Variants in DEF8 observed in about 807,000 individuals in gnomAD.
The protein encoded by DEF8 is differentially expressed in FDCP 8 homolog, also known as DEF-8.
In DEF8, 38 loss-of-function variants were observed where a neutral mutation model predicts 59.1. The observed-to-expected ratio is 0.64, with a 90% CI of 0.50 to 0.84. The LOEUF is 0.84. DEF8 is among the 40% of genes least tolerant of loss of function. DEF8 has a pLI of 0.00. For synonymous variants in DEF8, 265 were observed against 250.1 expected (o/e 1.06, Z -0.56); for missense variants, 557 against 615.2 (o/e 0.91, Z 1.00).
chr16:89,957,771 C>A (rs967605281), intron 5 of DEF8, 111 bp downstream of exon 5: 7 of 1,326,260 alleles, frequency 5.3e-6, no homozygotes, highest in Non-Finnish European at 7.1e-6. Flanking sequence ...GTCTCTCTCT[C>A]GGCCTCAGGG....
Position 89,955,160 on chromosome 16 carries a change from T to G in DEF8, c.125-9T>G, listed in dbSNP as rs1031758065. On this transcript the variant is annotated splice_polypyrimidine_tract_variant and intron_variant, in intron 3 of 12. Coordinates refer to ENST00000563594, the MANE Select transcript of DEF8 (RefSeq NM_001242818.2). ...CTGACGCTCCACACCTGTCCCCGTC[T>G]TCCTCCAGAGGCCCTGCCTGAGCTG... The G allele has an allele frequency of 6.2e-7, 1 of 1,610,206 alleles. No homozygotes were observed. Among genetic ancestry groups the G allele is most frequent in the African/African-American group, 1.3e-5 (1 of 74,814 alleles).
chr16:89,961,019 A>T lies in DEF8; in HGVS notation c.603A>T (p.Glu201Asp), dbSNP rs766779550. The change falls in exon 7 of 13, where the codon GAA becomes GAT. Residue 201 changes from glutamate to aspartate, a missense_variant. By Grantham distance (45) the Glu-to-Asp change is conservative. Coordinates refer to ENST00000563594, the MANE Select transcript of DEF8 (RefSeq NM_001242818.2). ...SSKVSHQAEYELNICPETGLD... is the reference protein window; with the variant it reads ...SSKVSHQAEYDLNICPETGLD... ...AAGTCAGCCACCAAGCTGAATACGA[A>T]CTGAACATCTGCCCTGAGACAGGGC... is the stretch of plus-strand genomic sequence containing the variant. 4 of 1,614,108 alleles carry T rather than the reference A, an allele frequency of 2.5e-6. No individual in the cohort carries two copies.
intron 4 of DEF8, 23 bp from the exon 5 acceptor site, chr16:89,957,488 G>C: frequency 6.4e-7 from 1 of 1,563,176 alleles, no homozygotes; most frequent in Non-Finnish European, 8.7e-7. Flanking sequence ...GCCTTTGACT[G>C]CCCCCGCCCC....
At chr16:89,957,466 C>T (rs1033636042) in intron 4 of DEF8, 45 bp from the exon 5 acceptor site, 4 of 1,542,452 alleles carry the variant, frequency 2.6e-6, no homozygotes, top group Non-Finnish European at 3.5e-6. Flanking sequence ...ACAGGGAGCT[C>T]CTGCAGGATG....
intron 2 of DEF8, among the ~76,000 whole-genome samples, chr16:89,951,853 C>T (rs1394711933): frequency 3.9e-5 from 6 of 152,054 alleles, no homozygotes. Flanking sequence ...TATGTATATA[C>T]ACACACATAC....
At chr16:89,960,790 G>C in intron 6 of DEF8, 141 bp from the exon 7 acceptor site, 1 of 851,676 alleles carries the variant, frequency 1.2e-6, no homozygotes, top group Non-Finnish European at 1.9e-6. Flanking sequence ...AGGTTCTAAG[G>C]CCTCCCTTGG....
chr16:89,954,942 C>T lies in DEF8; in HGVS notation c.125-227C>T, dbSNP rs1011061878. Among the ~76,000 whole-genome samples the T allele has an allele frequency of 1.3e-5, 2 of 152,126 alleles. No homozygotes were observed. The highest frequency in any genetic ancestry group is 2.4e-5 in the African/African-American group (1 of 41,412). ...CTTTTGGCACCGAGTGTCATTCCAC[C>T]TCCTCATTTTGAGTGGCTCTTTCCT... On this transcript the variant is annotated intron_variant, in intron 3 of 12. Coordinates refer to ENST00000563594, the MANE Select transcript of DEF8 (RefSeq NM_001242818.2). This position sits in a 1 kb window ranked among gnomAD's most constrained non-coding sequence, Gnocchi z 4.3.
Position 89,957,654 on chromosome 16 carries a change from G to C in DEF8, c.366G>C (p.Glu122Asp), listed in dbSNP as rs149889201. 6.4e-7 allele frequency: 1 copy of C among 1,558,592 alleles called. No individual in the cohort carries two copies. Among genetic ancestry groups the C allele is most frequent in the East Asian group, 2.4e-5 (1 of 41,854 alleles). ...TCCACCTCCGGCTGAAGCTCCAGGA[G>C]CTGAAGGTGGGTGTGGGGCCGCCCC... ...RLIHLRLKLQ[E>D]LKDPNEDEPN... The change falls in exon 5 of 13, where the codon GAG becomes GAC. Residue 122 changes from glutamate (E) to aspartate (D), a missense_variant. Physicochemically the swap from Glu to Asp is conservative, Grantham distance 45. Coordinates refer to ENST00000563594, the MANE Select transcript of DEF8 (RefSeq NM_001242818.2).
intron 10 of DEF8, 177 bp from the exon 11 acceptor site, chr16:89,963,993 G>T (rs748962817): frequency 1.2e-6 from 1 of 822,648 alleles, no homozygotes; most frequent in East Asian, 2.6e-5. Flanking sequence ...AACGTGGCCC[G>T]GGTCCATCTT....
chr16:89,957,324 C>A, intron 4 of DEF8, 187 bp from the exon 5 acceptor site: 1 of 577,246 alleles, frequency 1.7e-6, no homozygotes, highest in Non-Finnish European at 3.0e-6. Flanking sequence ...CACGCAGCAC[C>A]GGGTGGACCT....
At chr16:89,951,291 C>G (rs755138833) in intron 2 of DEF8, among the ~76,000 whole-genome samples, 1 of 151,860 alleles carries the variant, frequency 6.6e-6, no homozygotes, top group Non-Finnish European at 1.5e-5. Flanking sequence ...GAGTCTCACT[C>G]TGTCACCCAA....
chr16:89,957,429 T>G (rs1281123607), intron 4 of DEF8, 82 bp from the exon 5 acceptor site: 2 of 1,452,858 alleles, frequency 1.4e-6, no homozygotes, highest in East Asian at 2.5e-5. Flanking sequence ...GGGTCTGCTC[T>G]GGGCCTGTCT....
At position 89,957,598 on chromosome 16, in the gene DEF8, G is replaced by C. The variant is rs1382987005; in HGVS notation, c.310G>C (p.Glu104Gln). The C allele has an allele frequency of 6.3e-7, 1 of 1,585,004 alleles. No homozygotes were observed. Among genetic ancestry groups the C allele is most frequent in the African/African-American group, 1.3e-5 (1 of 74,398 alleles). ...GATTCTGGAGCTGCCCGAGCAGTCG[G>C]AGAAGCAGAAGGATGCCGTGGTGCG... ...QVILELPEQSEKQKDAVVRLI... is the reference protein window; with the variant it reads ...QVILELPEQSQKQKDAVVRLI... The change falls in exon 5 of 13, where the codon GAG becomes CAG. Residue 104 changes from glutamate to glutamine, a missense_variant. By Grantham distance (29) the Glu-to-Gln change is conservative. Coordinates refer to ENST00000563594, the MANE Select transcript of DEF8 (RefSeq NM_001242818.2).
chr16:89,954,810 C>T lies in DEF8; in HGVS notation c.125-359C>T, dbSNP rs544787263. 6.6e-4 allele frequency among the ~76,000 whole-genome samples: 100 copies of T among 152,258 alleles called. 4 individuals are homozygous for T. The highest frequency in any genetic ancestry group is 1.7e-3 in the East Asian group (9 of 5,182). ...ACGGCCTGGAGTCGACACTGGGGTT[C>T]GTGGATTTTGCTGTGTAGCCATGCA... On this transcript the variant is annotated intron_variant, in intron 3 of 12. Transcript: ENST00000563594. This position sits in a 1 kb window ranked among gnomAD's most constrained non-coding sequence, Gnocchi z 4.3.
chr16:89,949,273 C>G (rs1465886373), intron 1 of DEF8, 144 bp from the exon 2 acceptor site: 1 of 691,668 alleles, frequency 1.4e-6, no homozygotes, highest in Non-Finnish European at 2.3e-6. Context: ...TGCCCCCGCC[C>G]TGGGCTGCTC....
At chr16:89,949,960 C>T in intron 2 of DEF8, 3 of 931,476 alleles carry the variant, frequency 3.2e-6, no homozygotes, top group Non-Finnish European at 4.1e-6. Context: ...GAAGCTAAGG[C>T]TGCGAGGCCA....
In DEF8 at chr16:89,954,336, G is replaced by T; in HGVS notation, c.84G>T (p.Glu28Asp). The change falls in exon 3 of 13, where the codon GAG becomes GAT. Residue 28 changes from glutamate (E) to aspartate (D), a missense_variant. Coordinates refer to ENST00000563594, the MANE Select transcript of DEF8 (RefSeq NM_001242818.2). This position sits in a 1 kb window ranked among gnomAD's most constrained non-coding sequence, Gnocchi z 4.3. ...FNKQSGPRQH[E>D]QGPGEEVPDV... ...AGCAGTCTGGGCCGAGACAGCATGA[G>T]CAGGGCCCTGGGGAGGAGGTCCCGG... The T allele has an allele frequency of 6.2e-7, 1 of 1,613,884 alleles. No homozygotes were observed.
chr16:89,951,665 A>G (rs531430447), intron 2 of DEF8, among the ~76,000 whole-genome samples: 9 of 152,328 alleles, frequency 5.9e-5, no homozygotes, highest in African/African-American at 1.4e-4. Context: ...GCTCAGGTGC[A>G]GTCCCCTGCA....
chr16:89,961,247 G>A, intron 7 of DEF8, 152 bp downstream of exon 7: 1 of 1,111,530 alleles, frequency 9.0e-7, no homozygotes, highest in African/African-American at 1.6e-5. Context: ...AGGGTCTGTT[G>A]CTGCCATTGT....
Sources: allele counts gnomAD v4.1 joint callset (sites outside exome capture counted in the v4.1 genomes callset), GRCh38; gene constraint gnomAD v4.1.1; non-coding constraint Gnocchi (gnomAD v3.1); transcripts MANE v1.5; gene names NCBI Gene and HGNC (gene_info 2026-07-23, HGNC 2026-07-21).